NDE1: variants seen among roughly 807,000 people sequenced by gnomAD.
NDE1 encodes nudE neurodevelopment protein 1.
A neutral mutation model predicts 43.4 loss-of-function variants in NDE1; 28 were observed. The observed-to-expected ratio is 0.65, with a 90% CI of 0.48 to 0.89. The LOEUF (loss-of-function observed/expected upper bound fraction) is 0.89, where lower values mean the gene tolerates loss of function less well. Ranked by LOEUF, NDE1 falls within the 40% of genes least tolerant of loss-of-function variation. The probability of loss-of-function intolerance (pLI) is 0.00; values close to 1 mark genes in which losing one functional copy is unlikely to be tolerated. For synonymous variants in NDE1, 184 were observed against 172.0 expected (o/e 1.07, Z -0.55); for missense variants, 441 against 434.1 (o/e 1.02, Z -0.14).
chr16:15,719,733 G>A (rs1326940710), intron 8 of NDE1: 1 of 1,613,902 alleles, frequency 6.2e-7, no homozygotes, highest in African/African-American at 1.3e-5. Context: ...TCAACAGGGA[G>A]GACAAGCTCA....
intron 7 of NDE1, among the ~76,000 whole-genome samples, chr16:15,695,203 CTTTTTTTT>C (rs71134451): frequency 3.8e-5 from 3 of 79,688 alleles, no homozygotes; most frequent in South Asian, 4.8e-4. Flanking sequence ...AAACTGCCAC[CTTTTTTTT>C]TTTTTTTTTT....
chr16:15,716,487 G>T (rs1018659132), intron 8 of NDE1, among the ~76,000 whole-genome samples: 2 of 152,100 alleles, frequency 1.3e-5, no homozygotes, highest in Non-Finnish European at 2.9e-5. Flanking sequence ...TACCAAATGG[G>T]CTGCCGGTTG....
chr16:15,686,789 C>T (rs1392258403), intron 4 of NDE1, among the ~76,000 whole-genome samples: 2 of 152,126 alleles, frequency 1.3e-5, no homozygotes. Flanking sequence ...TCACTACAAC[C>T]TCTGCTTCCT....
rs555826994 is a variant in NDE1, at chr16:15,699,740, G to C, written c.947+2880G>C. ...TGCTCTGTCTGAAGGTTGGGGAAGC[G>C]CCTGGAATTTGGGAAGCCGCCTTCA... On this transcript the variant is annotated intron_variant, in intron 8 of 8. Transcript: ENST00000396354. The C allele has an allele frequency of 2.4e-5, 32 of 1,351,082 alleles. No individual in the cohort carries two copies. The South Asian group carries it at 3.0e-4, about 13-fold the overall frequency. The allele number at this position is 1,351,082 out of a possible 1,614,324, so 83.7% of individuals were successfully genotyped here. A position where few individuals can be genotyped will look rare whatever the true frequency, so the allele number is the denominator to read the frequency against.
intron 7 of NDE1, 65 bp from the exon 8 acceptor site, chr16:15,696,644 A>T: frequency 6.2e-7 from 1 of 1,613,094 alleles, no homozygotes; most frequent in Non-Finnish European, 8.5e-7. Flanking sequence ...TCTTCTGTAC[A>T]GGCTCTGGTA....
chr16:15,708,835 G>A, intron 8 of NDE1: 1 of 1,610,194 alleles, frequency 6.2e-7, no homozygotes, highest in Non-Finnish European at 8.5e-7. Flanking sequence ...CCTGTGGGGG[G>A]GGCCCTCTGA....
At chr16:15,667,807 G>A (rs1032905852) in intron 3 of NDE1, among the ~76,000 whole-genome samples, 6 of 151,564 alleles carry the variant, frequency 4.0e-5, no homozygotes, top group African/African-American at 1.5e-4. Flanking sequence ...AATTTTTTTT[G>A]TATTTGTAGT....
chr16:15,676,487 C>T (rs2037887011), intron 3 of NDE1, among the ~76,000 whole-genome samples: 1 of 152,090 alleles, frequency 6.6e-6, no homozygotes, highest in Non-Finnish European at 1.5e-5. Flanking sequence ...GCTGGGATTA[C>T]AGGTGTGAGC....
At chr16:15,675,311 G>T (rs1465713673) in intron 3 of NDE1, among the ~76,000 whole-genome samples, 2 of 151,904 alleles carry the variant, frequency 1.3e-5, no homozygotes, top group African/African-American at 4.8e-5. Context: ...AGATTGGCCT[G>T]CCTCAGCTTC....
At chr16:15,653,733 A>ATT (rs1302431982) in intron 1 of NDE1, among the ~76,000 whole-genome samples, 1 of 146,580 alleles carries the variant, frequency 6.8e-6, no homozygotes, top group African/African-American at 2.5e-5. Flanking sequence ...TGTGGAAACA[A>ATT]TTTTTTTTTT....
chr16:15,655,801 A>T (rs1369438041), intron 1 of NDE1, among the ~76,000 whole-genome samples: 1 of 151,990 alleles, frequency 6.6e-6, no homozygotes, highest in Non-Finnish European at 1.5e-5. Context: ...ATGCAGCCAT[A>T]AAAAATGATG....
rs545743207 is a variant in NDE1, at chr16:15,686,768, A to G, written c.387-607A>G. On this transcript the variant is annotated intron_variant, in intron 4 of 8. Coordinates refer to ENST00000396354, the MANE Select transcript of NDE1 (RefSeq NM_017668.3). ...GTTGTCTAGGCTGGAGTGCAGTGGT[A>G]TAATCTGGGCTCACTACAACCTCTG... 4.6e-5 allele frequency among the ~76,000 whole-genome samples: 7 copies of G among 152,268 alleles called. 1 individual carries two copies. In the South Asian group the frequency reaches 1.2e-3, roughly 27 times the overall value.
chr16:15,688,689 C>CTTTTTTTTTTTTTTTTTTTTTT (rs1194565114), intron 5 of NDE1, among the ~76,000 whole-genome samples: 4 of 59,996 alleles, frequency 6.7e-5, no homozygotes, highest in Non-Finnish European at 1.2e-4. Flanking sequence ...TTGTTTTTAC[C>CTTTTTTTTTTTTTTTTTTTTTT]TTTTTTTTTT....
Position 15,667,447 on chromosome 16 carries a change from G to C in NDE1, c.237+8G>C. The stretch of plus-strand genomic sequence containing the variant: ...GAGCTGGAAACCATCAAGGTGAGGG[G>C]CTGAGAGGAAGTGTGCTCAGGTGTA... On this transcript the variant is annotated splice_region_variant and intron_variant, in intron 3 of 8. Coordinates refer to ENST00000396354, the MANE Select transcript of NDE1 (RefSeq NM_017668.3). 1 of 1,613,620 alleles carries C rather than the reference G, an allele frequency of 6.2e-7. No individual in the cohort carries two copies. The highest frequency in any genetic ancestry group is 2.2e-5 in the East Asian group (1 of 44,872).
In NDE1 at chr16:15,691,176, C is replaced by G. The variant is rs200096467; in HGVS notation, c.556C>G (p.Gln186Glu). ...LRQELAVQQK[Q>E]EKPRTPMPSS... is the part of the protein sequence containing the mutation. ...GCAGGAACTGGCCGTGCAGCAGAAG[C>G]AGGAGAAACCCAGGACCCCCATGCC... is the stretch of plus-strand genomic sequence containing the variant. The change falls in exon 6 of 9, where the codon CAG (glutamine) becomes GAG (glutamate). Residue 186 changes from glutamine to glutamate, a missense_variant. Transcript: ENST00000396354. 3.0e-5 allele frequency: 48 copies of G among 1,614,076 alleles called. No individual in the cohort carries two copies. In the East Asian group the frequency reaches 1.1e-3, roughly 36 times the overall value.
chr16:15,685,034 G>A (rs2038369142), intron 4 of NDE1, among the ~76,000 whole-genome samples: 3 of 152,192 alleles, frequency 2.0e-5, no homozygotes, highest in African/African-American at 7.2e-5. Flanking sequence ...TTAAGACAGT[G>A]TTAAATTTAT....
chr16:15,690,667 C>G (rs993568322), intron 5 of NDE1, among the ~76,000 whole-genome samples: 1 of 152,108 alleles, frequency 6.6e-6, no homozygotes. Context: ...AGTTCCAAGT[C>G]TGCTAGGCAA....
exon 1 of NDE1, chr16:15,643,910 C>T (rs1302828397): frequency 6.6e-6 from 1 of 152,366 alleles, no homozygotes; most frequent in African/African-American, 2.4e-5. Context: ...GTTGGGCGAG[C>T]AGAAAGGAAA....
intron 8 of NDE1, chr16:15,703,775 A>T: frequency 1.6e-6 from 1 of 633,674 alleles, no homozygotes; most frequent in Non-Finnish European, 2.8e-6. Context: ...TCTTGTATAG[A>T]TGAGGTTTTA....
Sources: gnomAD v4.1 joint callset for allele counts (sites outside exome capture counted in the v4.1 genomes callset) on GRCh38, gnomAD v4.1.1 for gene constraint, MANE v1.5 for transcripts, NCBI Gene and HGNC (gene_info 2026-07-23, HGNC 2026-07-21) for gene names.